MIER3: variants seen among roughly 807,000 people sequenced by gnomAD.
MIER3 encodes the protein MIER family member 3.
MIER3 carries 9 observed loss-of-function variants against 63.2 expected under a neutral mutation model. The ratio of observed to expected loss-of-function variants is 0.14; its 90% CI spans 0.09 to 0.25. The LOEUF (loss-of-function observed/expected upper bound fraction) is 0.25. Ranked by LOEUF, MIER3 falls within the 10% of genes least tolerant of loss-of-function variation. The probability of loss-of-function intolerance (pLI) is 1.00; values close to 1 mark genes in which losing one functional copy is unlikely to be tolerated. For synonymous variants in MIER3, 205 were observed against 224.9 expected (o/e 0.91, Z 0.79); for missense variants, 512 against 666.2 (o/e 0.77, Z 2.55).
intron 10 of MIER3, among the ~76,000 whole-genome samples, chr5:56,925,880 TG>T (rs1031361202): frequency 6.6e-6 from 1 of 150,758 alleles, no homozygotes; most frequent in African/African-American, 2.4e-5. Context: ...AGTATGGTAT[TG>T]GGGGGGTGGG....
At chr5:56,926,226 T>G (rs2112080330) in intron 10 of MIER3, among the ~76,000 whole-genome samples, 1 of 151,980 alleles carries the variant, frequency 6.6e-6, no homozygotes, top group East Asian at 1.9e-4. Flanking sequence ...GTGTGAACAA[T>G]CAGATGAAAT....
intron 7 of MIER3, among the ~76,000 whole-genome samples, 188 bp downstream of exon 7, chr5:56,935,240 G>C (rs1156613288): frequency 6.6e-6 from 1 of 152,022 alleles, no homozygotes; most frequent in Non-Finnish European, 1.5e-5. Context: ...GGGGGTGGGG[G>C]GAAACTCTGA....
At chr5:56,926,772 A>G (rs528422074) in intron 10 of MIER3, among the ~76,000 whole-genome samples, 1 of 152,222 alleles carries the variant, frequency 6.6e-6, no homozygotes, top group East Asian at 1.9e-4. Context: ...CTGCACATGA[A>G]TATTTATAGC....
At position 56,920,898 on chromosome 5, in the gene MIER3, C is replaced by G. The variant is rs1392654452; in HGVS notation, c.*2230G>C. 1 of 152,446 alleles carries G rather than the reference C, an allele frequency of 6.6e-6. No homozygotes were observed. Among genetic ancestry groups the G allele is most frequent in the African/African-American group, 2.4e-5 (1 of 41,436 alleles). The allele number at this position is 152,446 out of a possible 1,614,324, so 9.4% of individuals were successfully genotyped here. On this transcript the variant is annotated 3_prime_UTR_variant, in exon 13 of 13. Coordinates refer to ENST00000381199, the MANE Select transcript of MIER3 (RefSeq NM_001297599.2). ...CAGCTAGTTAGCACTCTCTAAGAGG[C>G]TAAAATCAGATTGACATTTAAAAAT...
Position 56,923,088 on chromosome 5 carries a change from T to C in MIER3, c.*40A>G. 1 of 1,570,770 alleles carries C rather than the reference T, an allele frequency of 6.4e-7. No individual in the cohort carries two copies. Among genetic ancestry groups the C allele is most frequent in the Non-Finnish European group, 8.7e-7 (1 of 1,146,670 alleles). On this transcript the variant is annotated 3_prime_UTR_variant, in exon 13 of 13. Coordinates refer to ENST00000381199, the MANE Select transcript of MIER3 (RefSeq NM_001297599.2). ...CAAACCTGATAGCTCCCCTCAAGTT[T>C]ACTGGTGCTGCACACGCAGTTCCGG...
chr5:56,942,253 C>T (rs574909785), intron 3 of MIER3, among the ~76,000 whole-genome samples: 4 of 152,290 alleles, frequency 2.6e-5, no homozygotes, highest in African/African-American at 9.6e-5. Context: ...CTATGCTTAT[C>T]AGAAGAACTT....
At chr5:56,935,935 T>C (rs1386537727) in intron 5 of MIER3, among the ~76,000 whole-genome samples, 184 bp from the exon 6 acceptor site, 2 of 152,164 alleles carry the variant, frequency 1.3e-5, no homozygotes, top group Non-Finnish European at 2.9e-5. Context: ...ATAAAGTGTA[T>C]AGTATCCTGG....
chr5:56,933,457 C>G, intron 7 of MIER3, 59 bp from the exon 8 acceptor site: 4 of 1,475,604 alleles, frequency 2.7e-6, no homozygotes, highest in Non-Finnish European at 3.6e-6. Context: ...AAGATGTACA[C>G]AAACAATTCT....
intron 2 of MIER3, among the ~76,000 whole-genome samples, chr5:56,949,986 G>GGA (rs1399744130): frequency 6.6e-6 from 1 of 152,122 alleles, no homozygotes; most frequent in East Asian, 1.9e-4. Flanking sequence ...CAGAGTTCTG[G>GGA]GACACATCCC....
rs564237801 is a variant in MIER3, at chr5:56,928,883, A to G, written c.830-22T>C. 1.5e-4 allele frequency: 244 copies of G among 1,585,250 alleles called. 2 individuals are homozygous for G. In the South Asian group the frequency reaches 2.7e-3, roughly 18 times the overall value. On this transcript the variant is annotated intron_variant, in intron 9 of 12. Coordinates refer to ENST00000381199, the MANE Select transcript of MIER3 (RefSeq NM_001297599.2). ...CCTTCTAAGAAAAATTTTAAAATAA[A>G]ATTTATGGGCCCCCAAATTTTCTTA...
intron 3 of MIER3, among the ~76,000 whole-genome samples, chr5:56,942,389 G>C (rs1288866468): frequency 6.6e-6 from 1 of 152,188 alleles, no homozygotes; most frequent in African/African-American, 2.4e-5. Context: ...TTATTTGAGT[G>C]AAATTTAGGG....
In MIER3 at chr5:56,947,087, CT is replaced by C; in HGVS notation, c.35-17del. 1 of 1,598,332 alleles carries C rather than the reference CT, an allele frequency of 6.3e-7. No homozygotes were observed. The highest frequency in any genetic ancestry group is 8.5e-7 in the Non-Finnish European group (1 of 1,175,474). ...AAAGACCCAACTGGAATAAAACAAACTGAATCACTTTACACATTTACAAGGC... is the reference window on the plus strand; with the variant it reads ...AAAGACCCAACTGGAATAAAACAAACGAATCACTTTACACATTTACAAGGC... On this transcript the variant is annotated splice_polypyrimidine_tract_variant and intron_variant, in intron 2 of 12. Coordinates refer to ENST00000381199, the MANE Select transcript of MIER3 (RefSeq NM_001297599.2).
In MIER3 at chr5:56,921,465, T is replaced by C. The variant is rs1408137867; in HGVS notation, c.*1663A>G. 6.6e-6 allele frequency: 1 copy of C among 152,620 alleles called. No individual in the cohort carries two copies. Among genetic ancestry groups the C allele is most frequent in the African/African-American group, 2.4e-5 (1 of 41,456 alleles). 9.5% of individuals were successfully genotyped at this position (152,620 alleles called of 1,614,324 possible). A position where few individuals can be genotyped will look rare whatever the true frequency, so the allele number is the denominator to read the frequency against. On this transcript the variant is annotated 3_prime_UTR_variant, in exon 13 of 13. Coordinates refer to ENST00000381199, the MANE Select transcript of MIER3 (RefSeq NM_001297599.2). ...ACTGATTTTAAGTTATTAATTTAACTACTTTTTGTCCACTGTGCTAAACTA... is the reference window on the plus strand; with the variant it reads ...ACTGATTTTAAGTTATTAATTTAACCACTTTTTGTCCACTGTGCTAAACTA...
intron 1 of MIER3, 116 bp from the exon 2 acceptor site, chr5:56,950,768 G>A: frequency 8.7e-7 from 1 of 1,154,280 alleles, no homozygotes; most frequent in Non-Finnish European, 1.3e-6. Context: ...TGCCAAAAGT[G>A]CAAGACGTAG....
chr5:56,944,584 G>C (rs1750763790), intron 3 of MIER3, among the ~76,000 whole-genome samples: 1 of 152,170 alleles, frequency 6.6e-6, no homozygotes. Context: ...GGTATCACTG[G>C]ATGGACCAAA....
chr5:56,939,934 G>A (rs1750584975), intron 3 of MIER3, among the ~76,000 whole-genome samples: 2 of 152,180 alleles, frequency 1.3e-5, no homozygotes, highest in Non-Finnish European at 2.9e-5. Context: ...ACTCTATGAT[G>A]TTCACACAGC....
chr5:56,949,112 T>C (rs1266464257), intron 2 of MIER3, among the ~76,000 whole-genome samples: 1 of 152,104 alleles, frequency 6.6e-6, no homozygotes, highest in Non-Finnish European at 1.5e-5. Flanking sequence ...TCCCAGCACT[T>C]TGGGAGGCCG....
chr5:56,947,751 G>A (rs1750875700), intron 2 of MIER3, among the ~76,000 whole-genome samples: 1 of 152,136 alleles, frequency 6.6e-6, no homozygotes, highest in South Asian at 2.1e-4. Context: ...ATTATGTGTA[G>A]GGAATACAGA....
chr5:56,952,171 A>AGCC (rs988158844), upstream of MIER3: 22 of 1,141,196 alleles, frequency 1.9e-5, no homozygotes, highest in Middle Eastern at 6.6e-4. Flanking sequence ...AGCCAATCGC[A>AGCC]GCCGCCGCCG....
Sources: gnomAD v4.1 joint callset for allele counts (sites outside exome capture counted in the v4.1 genomes callset) on GRCh38, gnomAD v4.1.1 for gene constraint, MANE v1.5 for transcripts, NCBI Gene and HGNC (gene_info 2026-07-23, HGNC 2026-07-21) for gene names.